Variants in ERC2 observed in about 807,000 individuals in gnomAD.
ERC2 encodes ERC protein 2.
Under a neutral mutation model 114.8 loss-of-function variants are expected in ERC2, and 42 were observed. The ratio of observed to expected loss-of-function variants is 0.37; its 90% CI spans 0.29 to 0.47. The LOEUF (loss-of-function observed/expected upper bound fraction) is 0.47, where lower values mean the gene tolerates loss of function less well. Among genes scored for constraint, ERC2 ranks in the 20% least tolerant of loss-of-function variants. The pLI is 0.99. For missense variants in ERC2, 939 were observed against 1,150.7 expected, an observed-to-expected ratio of 0.82 and a Z score of 2.66; for synonymous variants, 454 against 425.5, an observed-to-expected ratio of 1.07 and a Z score of -0.82.
intron 2 of ERC2, among the ~76,000 whole-genome samples, chr3:56,402,723 T>C (rs1371000768): frequency 6.6e-6 from 1 of 152,232 alleles, no homozygotes; most frequent in African/African-American, 2.4e-5. Context: ...AGCAGTAAGG[T>C]TGAGCATCAT....
intron 13 of ERC2, among the ~76,000 whole-genome samples, chr3:55,920,776 A>T (rs2065380015): frequency 6.6e-6 from 1 of 152,132 alleles, no homozygotes; most frequent in South Asian, 2.1e-4. Context: ...AATAATGATA[A>T]CAGTGACAAT....
intron 13 of ERC2, among the ~76,000 whole-genome samples, chr3:55,948,561 T>C (rs998128136): frequency 1.3e-5 from 2 of 152,226 alleles, no homozygotes; most frequent in Admixed American, 6.5e-5. Context: ...TAATCGTGAT[T>C]ACTTTTTATT....
chr3:55,561,226 C>T (rs994307716), intron 17 of ERC2, among the ~76,000 whole-genome samples: 2 of 151,988 alleles, frequency 1.3e-5, no homozygotes, highest in Non-Finnish European at 1.5e-5. Context: ...GGATTTCTAT[C>T]ACCATGGAAG....
At chr3:56,272,767 A>G (rs1287505500) in intron 3 of ERC2, among the ~76,000 whole-genome samples, 1 of 152,090 alleles carries the variant, frequency 6.6e-6, no homozygotes, top group African/African-American at 2.4e-5. Context: ...TTTTGTCTCA[A>G]TAATAAAAAA....
At chr3:56,263,323 G>A (rs2053070040) in intron 3 of ERC2, among the ~76,000 whole-genome samples, 1 of 149,614 alleles carries the variant, frequency 6.7e-6, no homozygotes, top group African/African-American at 2.5e-5. Context: ...GAAGAGCTTA[G>A]CAGTCTACTT....
At position 56,184,242 on chromosome 3, in the gene ERC2, T is replaced by C. The variant is rs955424045; in HGVS notation, c.1075-10722A>G. On this transcript the variant is annotated intron_variant, in intron 3 of 17. Coordinates refer to ENST00000288221, the MANE Select transcript of ERC2 (RefSeq NM_015576.3). ...TATTAATATTTGGCCAGTTGTGTTATGTTAGCAATGTCATAGGGAGAAACA... is the reference window on the plus strand; with the variant it reads ...TATTAATATTTGGCCAGTTGTGTTACGTTAGCAATGTCATAGGGAGAAACA... Among the ~76,000 whole-genome samples the C allele has an allele frequency of 5.3e-5, 8 of 152,318 alleles. No individual in the cohort carries two copies. In the South Asian group the frequency reaches 1.2e-3, roughly 24 times the overall value.
chr3:55,796,164 C>T (rs2070460901), intron 14 of ERC2, among the ~76,000 whole-genome samples: 2 of 152,154 alleles, frequency 1.3e-5, no homozygotes, highest in Admixed American at 1.3e-4. Context: ...CAGAGGAAGC[C>T]AGACACAGGA....
At chr3:55,962,133 CA>C (rs1289408472) in intron 12 of ERC2, among the ~76,000 whole-genome samples, 1 of 151,524 alleles carries the variant, frequency 6.6e-6, no homozygotes, top group Non-Finnish European at 1.5e-5. Context: ...AGGCCGAGGT[CA>C]AAAAAGAAAA....
chr3:56,032,873 AAGAAAGAAAGAAAGAGAGAGAGAGAGAC>A (rs1560055732), intron 7 of ERC2, among the ~76,000 whole-genome samples: 11 of 119,674 alleles, frequency 9.2e-5, no homozygotes, highest in Non-Finnish European at 1.3e-4. Flanking sequence ...GAAAGAAAGA[AAGAAAGAAAGAAAGAGAGAGAGAGAGAC>A]AGAAAGAAAG....
At chr3:56,374,775 T>C (rs999295957) in intron 2 of ERC2, among the ~76,000 whole-genome samples, 1 of 152,104 alleles carries the variant, frequency 6.6e-6, no homozygotes, top group Non-Finnish European at 1.5e-5. Context: ...ATTTGAAGAA[T>C]AGCCAGCAGG....
chr3:56,325,553 G>A (rs2057323333), intron 2 of ERC2, among the ~76,000 whole-genome samples: 2 of 152,156 alleles, frequency 1.3e-5, no homozygotes, highest in African/African-American at 2.4e-5. Context: ...TTTACTAGAT[G>A]TCTTCTATAC....
intron 2 of ERC2, among the ~76,000 whole-genome samples, chr3:56,333,508 ATTCAAAACTAAACAAATAC>A (rs2057721170): frequency 6.6e-6 from 1 of 152,356 alleles, no homozygotes; most frequent in East Asian, 1.9e-4. Flanking sequence ...TAAAAGTAGA[ATTCAAAACTAAACAAATAC>A]TATCAAAATA....
chr3:56,381,134 C>T (rs534946239), intron 2 of ERC2, among the ~76,000 whole-genome samples: 3 of 152,216 alleles, frequency 2.0e-5, no homozygotes, highest in South Asian at 2.1e-4. Context: ...CTCATAAATT[C>T]ATTATTCCGA....
At chr3:56,387,529 A>T (rs1309796933) in intron 2 of ERC2, among the ~76,000 whole-genome samples, 1 of 152,146 alleles carries the variant, frequency 6.6e-6, no homozygotes, top group Non-Finnish European at 1.5e-5. Flanking sequence ...ATTTGTGTCT[A>T]TAAAACCCGG....
chr3:56,259,105 C>T (rs745792796), intron 3 of ERC2, among the ~76,000 whole-genome samples: 20 of 151,708 alleles, frequency 1.3e-4, no homozygotes, highest in African/African-American at 4.4e-4. Flanking sequence ...TCCTGAGTAA[C>T]GGGATTACAG....
At chr3:56,122,832 G>C (rs1435139616) in intron 6 of ERC2, among the ~76,000 whole-genome samples, 4 of 152,112 alleles carry the variant, frequency 2.6e-5, no homozygotes, top group Non-Finnish European at 5.9e-5. Flanking sequence ...ACACCCTCCT[G>C]TCTCTCCACT....
intron 4 of ERC2, among the ~76,000 whole-genome samples, chr3:56,157,690 T>C (rs758951165): frequency 2.0e-5 from 3 of 151,972 alleles, no homozygotes; most frequent in African/African-American, 7.2e-5. Context: ...GTGTCTCCTC[T>C]TAGAATCTCC....
At chr3:55,888,293 T>C in intron 14 of ERC2, 96 bp downstream of exon 14, 1 of 1,387,088 alleles carries the variant, frequency 7.2e-7, no homozygotes, top group Non-Finnish European at 9.8e-7. Context: ...TTATTCTTTT[T>C]CTGAGCTCTT....
At position 56,253,095 on chromosome 3, in the gene ERC2, G is replaced by A. The variant is rs2052284912; in HGVS notation, c.1074+42924C>T. ...AGCCAGATCTCCAACTCTCACACCT[G>A]TTCCAGTGTTTTTCACTGCTGTACC... On this transcript the variant is annotated intron_variant, in intron 3 of 17. Coordinates refer to ENST00000288221, the MANE Select transcript of ERC2 (RefSeq NM_015576.3). Among the ~76,000 whole-genome samples the A allele has an allele frequency of 2.0e-5, 3 of 152,090 alleles. No individual in the cohort carries two copies. In the South Asian group the frequency reaches 6.2e-4, roughly 32 times the overall value.
Sources: allele counts gnomAD v4.1 joint callset (sites outside exome capture counted in the v4.1 genomes callset), GRCh38; gene constraint gnomAD v4.1.1; transcripts MANE v1.5; gene names NCBI Gene and HGNC (gene_info 2026-07-23, HGNC 2026-07-21).